The following GNB4 variants were observed in gnomAD, a reference collection of about 807,000 sequenced individuals.
GNB4 encodes guanine nucleotide-binding protein subunit beta-4.
A neutral mutation model predicts 45.2 loss-of-function variants in GNB4; 28 were observed. The ratio of observed to expected loss-of-function variants is 0.62; its 90% CI spans 0.46 to 0.85. The LOEUF (loss-of-function observed/expected upper bound fraction) is 0.85. Ranked by LOEUF, GNB4 falls within the 40% of genes least tolerant of loss-of-function variation. The pLI is 0.00. For missense variants in GNB4, 321 were observed against 425.4 expected (o/e 0.75, Z 2.16); for synonymous variants, 132 against 143.7 (o/e 0.92, Z 0.58).
the GNB4 span, among the ~76,000 whole-genome samples, chr3:179,512,354 C>G: frequency 6.6e-6 from 1 of 152,204 alleles, no homozygotes; most frequent in Admixed American, 6.5e-5. Context: ...AAAGCTCTAG[C>G]ATGAACATTT....
Position 179,451,459 on chromosome 3 carries a change from G to A in GNB4, c.-156C>T, listed in dbSNP as rs1191999499. ...AGCGCAGCTCACAGCCGAGACCAGAGCCGCCGGCCACACCCAGTCCCGCAC... is the reference window on the plus strand; with the variant it reads ...AGCGCAGCTCACAGCCGAGACCAGAACCGCCGGCCACACCCAGTCCCGCAC... On this transcript the variant is annotated 5_prime_UTR_variant, in exon 1 of 10. Transcript: ENST00000232564. The A allele has an allele frequency of 2.0e-5, 3 of 151,014 alleles. No homozygotes were observed. The highest frequency in any genetic ancestry group is 7.3e-5 in the African/African-American group (3 of 41,296). 9.4% of individuals were successfully genotyped at this position (151,014 alleles called of 1,614,324 possible).
the GNB4 span, among the ~76,000 whole-genome samples, chr3:179,470,932 C>A: frequency 6.6e-6 from 1 of 152,150 alleles, no homozygotes; most frequent in Non-Finnish European, 1.5e-5. Context: ...GTAATCCCAG[C>A]ACTTTGGGAG....
intron 1 of GNB4, among the ~76,000 whole-genome samples, chr3:179,438,564 T>C (rs536412601): frequency 6.6e-6 from 1 of 152,326 alleles, no homozygotes; most frequent in South Asian, 2.1e-4. Context: ...ACAGATCTAA[T>C]AGTACAGTGC....
At chr3:179,418,470 C>CAAAAAAAAAAA (rs386356535) in intron 4 of GNB4, among the ~76,000 whole-genome samples, 14 of 95,356 alleles carry the variant, frequency 1.5e-4, no homozygotes, top group South Asian at 7.2e-4. Context: ...AACTCTGTCT[C>CAAAAAAAAAAA]AAAAAAAAAA....
At chr3:179,520,017 T>C in the GNB4 span, among the ~76,000 whole-genome samples, 1 of 152,162 alleles carries the variant, frequency 6.6e-6, no homozygotes, top group Admixed American at 6.5e-5. Flanking sequence ...AACCAAATTG[T>C]TTTTTGCCTA....
chr3:179,410,370 A>C (rs1210760188), intron 8 of GNB4: 3 of 152,236 alleles, frequency 2.0e-5, no homozygotes, highest in Admixed American at 2.0e-4. Context: ...ATAGATAGAT[A>C]GATATGTTCA....
At chr3:179,496,375 C>A in the GNB4 span, among the ~76,000 whole-genome samples, 3 of 151,590 alleles carry the variant, frequency 2.0e-5, no homozygotes, top group African/African-American at 4.8e-5. Flanking sequence ...AAAACGAAAA[C>A]AAGCCAAAAA....
At chr3:179,435,968 T>C (rs1294013707) in intron 1 of GNB4, among the ~76,000 whole-genome samples, 1 of 152,204 alleles carries the variant, frequency 6.6e-6, no homozygotes, top group Non-Finnish European at 1.5e-5. Context: ...TGTACAATTA[T>C]ACTGCTGTGT....
the GNB4 span, among the ~76,000 whole-genome samples, chr3:179,513,292 T>C: frequency 6.8e-6 from 1 of 148,132 alleles, no homozygotes; most frequent in Non-Finnish European, 1.5e-5. Flanking sequence ...TAAGCAAGCC[T>C]CCCACCTCAG....
At chr3:179,499,950 G>C in the GNB4 span, among the ~76,000 whole-genome samples, 1 of 152,116 alleles carries the variant, frequency 6.6e-6, no homozygotes, top group Non-Finnish European at 1.5e-5. Context: ...TTGTAAATTT[G>C]TTTAAGTTCT....
chr3:179,420,502 G>A (rs1021445586), intron 3 of GNB4, among the ~76,000 whole-genome samples: 2 of 148,734 alleles, frequency 1.3e-5, no homozygotes, highest in African/African-American at 2.5e-5. Context: ...CACTCTTCTC[G>A]CCCAGGCTGG....
the GNB4 span, among the ~76,000 whole-genome samples, chr3:179,483,267 A>G: frequency 6.6e-6 from 1 of 152,182 alleles, no homozygotes; most frequent in Admixed American, 6.5e-5. Context: ...GTAAAAGAGT[A>G]AAATAGAAAT....
At chr3:179,504,107 A>G in the GNB4 span, among the ~76,000 whole-genome samples, 2 of 151,962 alleles carry the variant, frequency 1.3e-5, no homozygotes, top group Admixed American at 1.3e-4. Flanking sequence ...AATCTTTTTC[A>G]TTCTTCTCAA....
chr3:179,402,289 G>C (rs1038923673), intron 9 of GNB4, among the ~76,000 whole-genome samples: 2 of 152,206 alleles, frequency 1.3e-5, no homozygotes, highest in Non-Finnish European at 2.9e-5. Context: ...CCTGAAACCA[G>C]CTTGTAGGCA....
chr3:179,406,976 T>C (rs1386755916), intron 8 of GNB4, among the ~76,000 whole-genome samples: 3 of 152,204 alleles, frequency 2.0e-5, no homozygotes, highest in Admixed American at 6.5e-5. Flanking sequence ...ACTCAATGTT[T>C]TTCTTCAACT....
At chr3:179,439,744 C>T (rs1715551561) in intron 1 of GNB4, among the ~76,000 whole-genome samples, 1 of 152,170 alleles carries the variant, frequency 6.6e-6, no homozygotes, top group Non-Finnish European at 1.5e-5. Flanking sequence ...TTTCCCCTAC[C>T]GATTTCTCAT....
At chr3:179,471,736 G>C in the GNB4 span, among the ~76,000 whole-genome samples, 1 of 152,176 alleles carries the variant, frequency 6.6e-6, no homozygotes, top group Non-Finnish European at 1.5e-5. Flanking sequence ...TTTGAGGTGA[G>C]TAGTATTCCT....
Position 179,412,920 on chromosome 3 carries a change from C to A in GNB4, c.699+492G>T, listed in dbSNP as rs887249064. On this transcript the variant is annotated intron_variant, in intron 8 of 9. Transcript: ENST00000232564. ...GGTTGCCAGGAACAGTGGCTCATGC[C>A]TGTAATCCCAACACTTTGGGAGGCC... Among the ~76,000 whole-genome samples the A allele has an allele frequency of 7.2e-5, 11 of 152,058 alleles. No homozygotes were observed. The East Asian group carries it at 2.1e-3, about 29-fold the overall frequency.
the GNB4 span, among the ~76,000 whole-genome samples, chr3:179,511,305 T>G: frequency 2.0e-5 from 3 of 152,218 alleles, no homozygotes; most frequent in Non-Finnish European, 4.4e-5. Context: ...CATGTGTGTT[T>G]TGTTCATCTA....
Sources: allele counts gnomAD v4.1 joint callset (sites outside exome capture counted in the v4.1 genomes callset), GRCh38; gene constraint gnomAD v4.1.1; transcripts MANE v1.5; gene names NCBI Gene and HGNC (gene_info 2026-07-23, HGNC 2026-07-21).